The following ADCY5 variants were observed in gnomAD, a reference collection of about 807,000 sequenced individuals.
ADCY5 encodes the protein adenylate cyclase 5, also known as adenylate cyclase type 5.
A neutral mutation model predicts 119.7 loss-of-function variants in ADCY5; 30 were observed. The ratio of observed to expected loss-of-function variants is 0.25; its 90% confidence interval spans 0.19 to 0.34. ADCY5 has a LOEUF of 0.34. Among genes scored for constraint, ADCY5 ranks in the 10% least tolerant of loss-of-function variants. The probability of loss-of-function intolerance (pLI) is 1.00; values close to 1 mark genes in which losing one functional copy is unlikely to be tolerated. For synonymous variants in ADCY5, 753 were observed against 762.2 expected, an observed-to-expected ratio of 0.99 and a Z score of 0.20; for missense variants, 1,324 against 1,775.2, an observed-to-expected ratio of 0.75 and a Z score of 4.57.
In ADCY5 at chr3:123,398,512, G is replaced by A. The variant is rs529118237; in HGVS notation, c.1135-45931C>T. ...TTGTCGCCTCCAAACCATGCAGCAC[G>A]CAGGGCCACTACCACAGGGATAATC... On this transcript the variant is annotated intron_variant, in intron 1 of 20. Coordinates refer to ENST00000462833, the MANE Select transcript of ADCY5 (RefSeq NM_183357.3). Among the ~76,000 whole-genome samples, 281 of 152,226 alleles carry A rather than the reference G, an allele frequency of 1.8e-3. 1 individual carries two copies. The highest frequency in any genetic ancestry group is 3.4e-3 in the African/African-American group (142 of 41,528).
chr3:123,447,120 A>G (rs1447801827), intron 1 of ADCY5, among the ~76,000 whole-genome samples: 2 of 152,136 alleles, frequency 1.3e-5, no homozygotes, highest in Admixed American at 6.5e-5. Flanking sequence ...CACTCCTTAT[A>G]ATTTTCTCCT....
chr3:123,331,042 T>A, intron 4 of ADCY5, 26 bp from the exon 5 acceptor site: 1 of 1,595,928 alleles, frequency 6.3e-7, no homozygotes, highest in South Asian at 1.1e-5. Context: ...ATTTTACAAA[T>A]TAAAAATAGT....
intron 1 of ADCY5, among the ~76,000 whole-genome samples, chr3:123,375,574 C>T (rs555607049): frequency 2.0e-5 from 3 of 152,368 alleles, no homozygotes; most frequent in African/African-American, 4.8e-5. Context: ...GGTCAGCTGG[C>T]GCCATCTTGC....
chr3:123,379,401 A>G (rs1031719373), intron 1 of ADCY5, among the ~76,000 whole-genome samples: 1 of 152,132 alleles, frequency 6.6e-6, no homozygotes, highest in African/African-American at 2.4e-5. Context: ...ATGACCTCCC[A>G]TTAGCTCCCC....
At chr3:123,345,151 C>T (rs1260644307) in intron 3 of ADCY5, among the ~76,000 whole-genome samples, 1 of 152,192 alleles carries the variant, frequency 6.6e-6, no homozygotes, top group Non-Finnish European at 1.5e-5. Context: ...GTAGAAGAGG[C>T]CTGAGTCAGC....
intron 12 of ADCY5, among the ~76,000 whole-genome samples, chr3:123,305,775 A>G (rs1940165419): frequency 6.6e-6 from 1 of 152,172 alleles, no homozygotes; most frequent in African/African-American, 2.4e-5. Context: ...GAGGGTGTAT[A>G]TCTTTCTGAC....
Position 123,346,612 on chromosome 3 carries a change from T to TCTCTCTCTCC in ADCY5, c.1406+1169_1406+1170insGGAGAGAGAG, listed in dbSNP as rs1167778216. On this transcript the variant is annotated intron_variant, in intron 3 of 20. Coordinates refer to ENST00000462833, the MANE Select transcript of ADCY5 (RefSeq NM_183357.3). ...CTACTGCTGTCAGCCTCACCTTCTCTCTCTCTCTCTCTCTCTCTCTCTCTC... is the reference window on the plus strand; with the variant it reads ...CTACTGCTGTCAGCCTCACCTTCTCTCTCTCTCTCCCTCTCTCTCTCTCTCTCTCTCTCTC... 3.2e-3 allele frequency among the ~76,000 whole-genome samples: 121 copies of TCTCTCTCTCC among 37,702 alleles called. 5 individuals carry two copies. The East Asian group carries it at 0.042, about 13-fold the overall frequency. The allele number at this position is 37,702 out of a possible 152,430, so 24.7% of individuals were successfully genotyped here. A position where few individuals can be genotyped will look rare whatever the true frequency, so the allele number is the denominator to read the frequency against.
chr3:123,403,389 A>G (rs971551766), intron 1 of ADCY5, among the ~76,000 whole-genome samples: 122 of 151,328 alleles, frequency 8.1e-4, no homozygotes, highest in Non-Finnish European at 1.5e-3. Context: ...TCAAAAAAAA[A>G]AAAAAAAAAA....
At chr3:123,385,704 T>C (rs559891714) in intron 1 of ADCY5, among the ~76,000 whole-genome samples, 5 of 152,212 alleles carry the variant, frequency 3.3e-5, no homozygotes, top group Non-Finnish European at 7.3e-5. Context: ...TTGGACAAGT[T>C]ACTTAACCTC....
chr3:123,399,977 G>A (rs1944709370), intron 1 of ADCY5, among the ~76,000 whole-genome samples: 1 of 152,148 alleles, frequency 6.6e-6, no homozygotes, highest in Non-Finnish European at 1.5e-5. Context: ...TTCAACCCCT[G>A]GACCCCTGGC....
In ADCY5 at chr3:123,300,676, G is replaced by T. The variant is rs184188998; in HGVS notation, c.2725-381C>A. ...GGCTCGCTGTGATGAACACACGGAA[G>T]GAAGCCCTGGCTGCAGTGTCCAGCA... is the stretch of plus-strand genomic sequence containing the variant. On this transcript the variant is annotated intron_variant, in intron 14 of 20. Transcript: ENST00000462833. 2.2e-3 allele frequency among the ~76,000 whole-genome samples: 329 copies of T among 152,292 alleles called. 7 individuals are homozygous for T. The highest frequency in any genetic ancestry group is 0.02 in the Admixed American group (306 of 15,302).
At position 123,295,293 on chromosome 3, in the gene ADCY5, G is replaced by A. The variant is rs182574965; in HGVS notation, c.3063+791C>T. 1.2e-4 allele frequency among the ~76,000 whole-genome samples: 18 copies of A among 152,272 alleles called. No individual in the cohort carries two copies. The East Asian group carries it at 3.1e-3, about 26-fold the overall frequency. On this transcript the variant is annotated intron_variant, in intron 17 of 20. Transcript: ENST00000462833. ...CTGAAGTGGTCTAGAGATAGGGGCC[G>A]GGCCAAGAGAGGCAGAGGCCGGGCC...
chr3:123,290,252 A>G (rs1414869255), intron 18 of ADCY5, among the ~76,000 whole-genome samples: 1 of 152,014 alleles, frequency 6.6e-6, no homozygotes, highest in African/African-American at 2.4e-5. Flanking sequence ...CTCCCCTTCA[A>G]CAAGCTCACA....
chr3:123,294,682 A>C (rs1939384981), intron 17 of ADCY5, among the ~76,000 whole-genome samples: 1 of 152,130 alleles, frequency 6.6e-6, no homozygotes, highest in Admixed American at 6.5e-5. Flanking sequence ...GATACAGAGG[A>C]CCTGTGCACA....
intron 1 of ADCY5, among the ~76,000 whole-genome samples, chr3:123,390,024 G>A (rs1370488798): frequency 6.6e-6 from 1 of 152,174 alleles, no homozygotes; most frequent in Non-Finnish European, 1.5e-5. Context: ...ACAGGGCTGG[G>A]TGCACCAGGA....
chr3:123,411,727 G>A (rs1433816777), intron 1 of ADCY5, among the ~76,000 whole-genome samples: 1 of 152,220 alleles, frequency 6.6e-6, no homozygotes, highest in Non-Finnish European at 1.5e-5. Context: ...TCACAGCCTG[G>A]TGACCAGGGT....
At chr3:123,292,039 A>G (rs956988729) in intron 17 of ADCY5, among the ~76,000 whole-genome samples, 3 of 152,122 alleles carry the variant, frequency 2.0e-5, no homozygotes, top group African/African-American at 7.2e-5. Flanking sequence ...TTGGTCACCC[A>G]CCTTCCAGGT....
At chr3:123,435,066 A>AT (rs1237622433) in intron 1 of ADCY5, among the ~76,000 whole-genome samples, 3 of 152,100 alleles carry the variant, frequency 2.0e-5, no homozygotes, top group Non-Finnish European at 4.4e-5. Flanking sequence ...AGGCAGACTG[A>AT]TGGAGGCCAG....
At chr3:123,332,320 T>G (rs776297470) in intron 4 of ADCY5, among the ~76,000 whole-genome samples, 36 of 152,322 alleles carry the variant, frequency 2.4e-4, no homozygotes, top group Admixed American at 5.9e-4. Flanking sequence ...CTCCCTACAC[T>G]CTCGCTTGTG....
Sources: gnomAD v4.1 joint callset for allele counts (sites outside exome capture counted in the v4.1 genomes callset) on GRCh38, gnomAD v4.1.1 for gene constraint, MANE v1.5 for transcripts, NCBI Gene and HGNC (gene_info 2026-07-23, HGNC 2026-07-21) for gene names.